The following ABCC6 variants were observed in gnomAD, a reference collection of about 807,000 sequenced individuals.
ABCC6 encodes the protein ATP binding cassette subfamily C member 6, also known as ATP-binding cassette sub-family C member 6.
A neutral mutation model predicts 169.5 loss-of-function variants in ABCC6; 126 were observed. The ratio of observed to expected loss-of-function variants is 0.74; its 90% CI spans 0.64 to 0.86. ABCC6 has a LOEUF of 0.86. ABCC6 is among the 40% of genes least tolerant of loss of function. ABCC6 has a pLI of 0.00. For synonymous variants in ABCC6, 752 were observed against 814.7 expected (o/e 0.92, Z 1.31); for missense variants, 1,733 against 1,927.2 (o/e 0.90, Z 1.89).
At chr16:16,158,980 T>C (rs1596598666) in intron 26 of ABCC6, among the ~76,000 whole-genome samples, 2 of 152,198 alleles carry the variant, frequency 1.3e-5, no homozygotes, top group East Asian at 3.8e-4. Flanking sequence ...TACTATTACA[T>C]TGCTATGTTG....
Position 16,150,192 on chromosome 16 carries a change from G to T in ABCC6, c.4453C>A (p.Gln1485Lys). Residue 1485 changes from glutamine to lysine, a missense_variant, in exon 31 of 31, where the codon CAG becomes AAG. Around this residue, in one of 5 missense-constraint regions of ABCC6, gnomAD observed 1,601 missense variants for 1,635.5 expected, o/e 0.98. Transcript: ENST00000205557. ...GQVAESGSPA[Q>K]LLAQKGLFYR... ...AACAGGCCCTTCTGGGCCAGCAGCT[G>T]GGCCGGGCTGCCGCTCTCTGCCACC... 6.2e-7 allele frequency: 1 copy of T among 1,613,624 alleles called. No individual in the cohort carries two copies. Among genetic ancestry groups the T allele is most frequent in the East Asian group, 2.2e-5 (1 of 44,884 alleles).
At chr16:16,171,984 A>AATGG in intron 21 of ABCC6, among the ~76,000 whole-genome samples, 1 of 120,344 alleles carries the variant, frequency 8.3e-6, no homozygotes, top group East Asian at 2.9e-4. Flanking sequence ...TGGATAAATA[A>AATGG]GTGGATGGGA....
At position 16,208,408 on chromosome 16, in the gene ABCC6, T is replaced by C. The variant is rs577688903; in HGVS notation, c.794+320A>G. ...TTTTTTTTGATACGGAGTCTGGCCC[T>C]GTCACTCAGGCTGGAGTGCAATGGT... On this transcript the variant is annotated intron_variant, in intron 7 of 30. Transcript: ENST00000205557. 2.8e-4 allele frequency among the ~76,000 whole-genome samples: 43 copies of C among 151,856 alleles called. No homozygotes were observed. In the East Asian group the frequency reaches 6.4e-3, roughly 23 times the overall value.
At chr16:16,209,948 C>T (rs796465877) in intron 6 of ABCC6, among the ~76,000 whole-genome samples, 12 of 151,814 alleles carry the variant, frequency 7.9e-5, no homozygotes, top group African/African-American at 2.9e-4. Flanking sequence ...CCAGGCTGGT[C>T]TCGAACTCCC....
chr16:16,161,963 G>C (rs1343103522), intron 24 of ABCC6, among the ~76,000 whole-genome samples: 1 of 152,050 alleles, frequency 6.6e-6, no homozygotes, highest in East Asian at 1.9e-4. Flanking sequence ...GGATCATGGG[G>C]GCAGTTTTCC....
In ABCC6 at chr16:16,154,706, G is replaced by A. The variant is rs371122482; in HGVS notation, c.4130C>T (p.Thr1377Met). The change falls in exon 29 of 31, where the codon ACG (threonine) becomes ATG (methionine). Residue 1377 changes from threonine (T) to methionine (M), a missense_variant. Physicochemically the swap from Thr to Met is moderately conservative, Grantham distance 81. Transcript: ENST00000205557. ...GGCCACCAAGGCTTTGAGCTGCACC[G>A]TCTCCAGGGCTGCCCAGATAGCCTC... ...SDEAIWAALETVQLKALVASL... is the reference protein window; with the variant it reads ...SDEAIWAALEMVQLKALVASL... The A allele has an allele frequency of 3.6e-5, 58 of 1,613,612 alleles. 1 individual carries two copies. The highest frequency in any genetic ancestry group is 9.3e-5 in the African/African-American group (7 of 75,026).
chr16:16,164,621 T>C (rs1409287978), intron 23 of ABCC6, among the ~76,000 whole-genome samples: 4 of 152,186 alleles, frequency 2.6e-5, no homozygotes, highest in African/African-American at 9.7e-5. Context: ...TGATAGCTAG[T>C]GGCCATAAGA....
At chr16:16,161,300 G>C in intron 25 of ABCC6, 138 bp downstream of exon 25, 1 of 1,304,056 alleles carries the variant, frequency 7.7e-7, no homozygotes, top group Non-Finnish European at 1.1e-6. Context: ...TTGTAGAGCT[G>C]CGTGTCCCTC....
chr16:16,172,005 G>T (rs567877768), intron 21 of ABCC6, among the ~76,000 whole-genome samples: 1 of 133,848 alleles, frequency 7.5e-6, no homozygotes. Flanking sequence ...TGGATAAATG[G>T]GAGGGTGGGA....
At chr16:16,201,485 A>C (rs550043628) in intron 9 of ABCC6, among the ~76,000 whole-genome samples, 2 of 152,262 alleles carry the variant, frequency 1.3e-5, no homozygotes, top group East Asian at 3.9e-4. Flanking sequence ...TGAGGAACTG[A>C]AAGGAGACCT....
In ABCC6 at chr16:16,203,407, C is replaced by T; in HGVS notation, c.998+3G>A. ...AGCAGGGCACTTGAGGTCTGGGACT[C>T]ACCTGAGCAGCTTGGGGACAGTGAA... On this transcript the variant is annotated splice_donor_region_variant and intron_variant, in intron 8 of 30. Coordinates refer to ENST00000205557, the MANE Select transcript of ABCC6 (RefSeq NM_001171.6). 1 of 1,613,790 alleles carries T rather than the reference C, an allele frequency of 6.2e-7. No homozygotes were observed. The highest frequency in any genetic ancestry group is 1.1e-5 in the South Asian group (1 of 91,062).
intron 10 of ABCC6, among the ~76,000 whole-genome samples, chr16:16,195,259 G>A (rs1483366440): frequency 6.8e-6 from 1 of 147,752 alleles, no homozygotes; most frequent in Admixed American, 6.8e-5. Context: ...CACAAGCAAA[G>A]TAACATGGTG....
At chr16:16,168,291 G>C (rs2046943371) in intron 22 of ABCC6, among the ~76,000 whole-genome samples, 1 of 152,234 alleles carries the variant, frequency 6.6e-6, no homozygotes, top group Non-Finnish European at 1.5e-5. Flanking sequence ...AGGAGTTTGA[G>C]ACCAGCCTGG....
intron 17 of ABCC6, among the ~76,000 whole-genome samples, chr16:16,180,064 G>A (rs572502525): frequency 6.6e-6 from 1 of 152,324 alleles, no homozygotes; most frequent in Admixed American, 6.5e-5. Context: ...GCAGTTTACA[G>A]TAGGGTTTGT....
chr16:16,191,933 C>T (rs1179577448), intron 11 of ABCC6, among the ~76,000 whole-genome samples: 1 of 152,202 alleles, frequency 6.6e-6, no homozygotes, highest in African/African-American at 2.4e-5. Flanking sequence ...TGCAAAGCTT[C>T]CAGTTAAGGA....
At chr16:16,190,412 G>T (rs72664296) in intron 11 of ABCC6, 45 bp from the exon 12 acceptor site, 3 of 1,606,026 alleles carry the variant, frequency 1.9e-6, no homozygotes, top group South Asian at 2.2e-5. Flanking sequence ...GGACAGTTGA[G>T]AACTCTTCCC....
intron 21 of ABCC6, among the ~76,000 whole-genome samples, chr16:16,170,944 AAG>A (rs1567486918): frequency 0.025 from 2,778 of 110,412 alleles, 360 homozygotes; most frequent in East Asian, 0.13. Flanking sequence ...AAAAAAAAGA[AAG>A]AAAGAAAGAA....
chr16:16,204,411 G>A (rs1462042918), intron 7 of ABCC6, among the ~76,000 whole-genome samples: 2 of 152,102 alleles, frequency 1.3e-5, no homozygotes, highest in African/African-American at 2.4e-5. Flanking sequence ...ACAGCACCCC[G>A]TCCCCAACAC....
At chr16:16,152,906 G>GT (rs150942309) in intron 29 of ABCC6, among the ~76,000 whole-genome samples, 52,635 of 150,572 alleles carry the variant, frequency 0.35, 10,473 homozygotes, top group East Asian at 0.69. Context: ...GTTTTTTTTT[G>GT]TTTTTTTTGA....
Sources: gnomAD v4.1 joint callset for allele counts (sites outside exome capture counted in the v4.1 genomes callset) on GRCh38, gnomAD v4.1.1 for gene constraint, gnomAD v4.1.1 regional missense constraint, MANE v1.5 for transcripts, NCBI Gene and HGNC (gene_info 2026-07-23, HGNC 2026-07-21) for gene names.